RFTN1: variants seen among roughly 807,000 people sequenced by gnomAD.
RFTN1 encodes the protein raftlin, lipid raft linker 1, also known as raftlin.
Under a neutral mutation model 46.5 loss-of-function variants are expected in RFTN1, and 26 were observed. The observed-to-expected ratio is 0.56, with a 90% confidence interval of 0.41 to 0.78. The LOEUF (loss-of-function observed/expected upper bound fraction) is 0.78. Ranked by LOEUF, RFTN1 falls within the 30% of genes least tolerant of loss-of-function variation. The pLI is 0.00. For synonymous variants in RFTN1, 261 were observed against 284.2 expected, an observed-to-expected ratio of 0.92 and a Z score of 0.82; for missense variants, 693 against 718.7, an observed-to-expected ratio of 0.96 and a Z score of 0.41.
intron 2 of RFTN1, among the ~76,000 whole-genome samples, chr3:16,493,462 A>C (rs950169523): frequency 6.6e-6 from 1 of 152,052 alleles, no homozygotes; most frequent in Non-Finnish European, 1.5e-5. Flanking sequence ...TGAACTCCTG[A>C]CCTCAGGTGA....
chr3:16,350,564 AG>A (rs1424779369), intron 7 of RFTN1, among the ~76,000 whole-genome samples: 1 of 152,100 alleles, frequency 6.6e-6, no homozygotes, highest in Non-Finnish European at 1.5e-5. Flanking sequence ...GTAACTGTCA[AG>A]GTGAGTGGCA....
At chr3:16,417,356 G>A (rs2075102564) in intron 3 of RFTN1, among the ~76,000 whole-genome samples, 1 of 151,896 alleles carries the variant, frequency 6.6e-6, no homozygotes, top group East Asian at 1.9e-4. Flanking sequence ...CTTATATCTA[G>A]AACTTGGGCC....
intron 7 of RFTN1, among the ~76,000 whole-genome samples, chr3:16,332,926 T>C (rs565574105): frequency 6.6e-6 from 1 of 152,364 alleles, no homozygotes; most frequent in South Asian, 2.1e-4. Flanking sequence ...TTAGTGACTA[T>C]TGAACCATTG....
rs998306462 is a variant in RFTN1, at chr3:16,418,946, T to C, written c.333-9463A>G. ...AAACAGAAGTGCTATGAGAATTCAA[T>C]TATTTCCAGTGTCAAGGATCAGGGG... On this transcript the variant is annotated intron_variant, in intron 3 of 9. Transcript: ENST00000334133. This position sits in a 1 kb window ranked among gnomAD's most constrained non-coding sequence, Gnocchi z 5.0. Among the ~76,000 whole-genome samples, 5 of 152,174 alleles carry C rather than the reference T, an allele frequency of 3.3e-5. No individual in the cohort carries two copies. The highest frequency in any genetic ancestry group is 1.2e-4 in the African/African-American group (5 of 41,432).
At chr3:16,355,250 A>G (rs1360453740) in intron 7 of RFTN1, among the ~76,000 whole-genome samples, 3 of 152,202 alleles carry the variant, frequency 2.0e-5, no homozygotes, top group Non-Finnish European at 4.4e-5. Context: ...AGTATTTGTT[A>G]TAGCAACAAC....
At position 16,442,198 on chromosome 3, in the gene RFTN1, A is replaced by G. The variant is rs1219048272; in HGVS notation, c.146-8161T>C. ...CAGGAGACCACACCATTAAAACACTATTTTTAAAATTTGAAGTGAAATTTC... is the reference window on the plus strand; with the variant it reads ...CAGGAGACCACACCATTAAAACACTGTTTTTAAAATTTGAAGTGAAATTTC... On this transcript the variant is annotated intron_variant, in intron 2 of 9. Coordinates refer to ENST00000334133, the MANE Select transcript of RFTN1 (RefSeq NM_015150.2). The surrounding 1 kb of genome is among the most constrained non-coding windows in gnomAD (Gnocchi z 4.1). Among the ~76,000 whole-genome samples, 1 of 152,194 alleles carries G rather than the reference A, an allele frequency of 6.6e-6. No homozygotes were observed. Among genetic ancestry groups the G allele is most frequent in the Admixed American group, 6.5e-5 (1 of 15,290 alleles).
rs2075135538 is a variant in RFTN1, at chr3:16,418,936, G to A, written c.333-9453C>T. 6.6e-6 allele frequency among the ~76,000 whole-genome samples: 1 copy of A among 152,152 alleles called. No homozygotes were observed. Among genetic ancestry groups the A allele is most frequent in the Admixed American group, 6.5e-5 (1 of 15,284 alleles). Reference sequence around the variant, plus strand: ...GACTGTGTATAAACAGAAGTGCTATGAGAATTCAATTATTTCCAGTGTCAA... The same window carrying A: ...GACTGTGTATAAACAGAAGTGCTATAAGAATTCAATTATTTCCAGTGTCAA... On this transcript the variant is annotated intron_variant, in intron 3 of 9. Coordinates refer to ENST00000334133, the MANE Select transcript of RFTN1 (RefSeq NM_015150.2). This position sits in a 1 kb window ranked among gnomAD's most constrained non-coding sequence, Gnocchi z 5.0.
rs1270315325 is a variant in RFTN1, at chr3:16,324,612, G to GCCCCC, written c.1251-1156_1251-1155insGGGGG. Among the ~76,000 whole-genome samples, 22 of 71,046 alleles carry GCCCCC rather than the reference G, an allele frequency of 3.1e-4. 1 individual carries two copies. Among genetic ancestry groups the GCCCCC allele is most frequent in the African/African-American group, 1.2e-3 (19 of 16,466 alleles). 46.6% of individuals were successfully genotyped at this position (71,046 alleles called of 152,430 possible). A position where few individuals can be genotyped will look rare whatever the true frequency, so the allele number is the denominator to read the frequency against. On this transcript the variant is annotated intron_variant, in intron 8 of 9. Transcript: ENST00000334133. ...TTGTAATAAATAACAGAATGTCCCT[G>GCCCCC]ACCCCCCCCCTTTTAAGGTTGCATA...
rs547039836 is a variant in RFTN1, at chr3:16,336,967, A to G, written c.1147-10091T>C. 4 of 152,368 alleles carry G rather than the reference A, an allele frequency of 2.6e-5. No individual in the cohort carries two copies. Among genetic ancestry groups the G allele is most frequent in the South Asian group, 4.1e-4 (2 of 4,830 alleles). The allele number at this position is 152,368 out of a possible 1,614,324, so 9.4% of individuals were successfully genotyped here. ...CCAACACAGCTCGGCAGCTCCTCCC[A>G]TAAGAGGGAGAGTCCCTCTGGTCAC... On this transcript the variant is annotated intron_variant, in intron 7 of 9. Coordinates refer to ENST00000334133, the MANE Select transcript of RFTN1 (RefSeq NM_015150.2). The surrounding 1 kb of genome is among the most constrained non-coding windows in gnomAD (Gnocchi z 6.0).
At chr3:16,444,393 C>A (rs943883806) in intron 2 of RFTN1, among the ~76,000 whole-genome samples, 1 of 152,194 alleles carries the variant, frequency 6.6e-6, no homozygotes, top group African/African-American at 2.4e-5. Flanking sequence ...GACTTAATTT[C>A]TTCATATCCC....
rs963262476 is a variant in RFTN1 at position 16,342,773 on chromosome 3, T to C, written c.1146+15159A>G. On this transcript the variant is annotated intron_variant, in intron 7 of 9. Coordinates refer to ENST00000334133, the MANE Select transcript of RFTN1 (RefSeq NM_015150.2). This position sits in a 1 kb window ranked among gnomAD's most constrained non-coding sequence, Gnocchi z 4.0. Reference sequence around the variant, plus strand: ...CTGATTTAAAAGCTCTGTGTCAACATGCATGCCCAGCTTATTCAAGTTGGA... The same window carrying C: ...CTGATTTAAAAGCTCTGTGTCAACACGCATGCCCAGCTTATTCAAGTTGGA... Among the ~76,000 whole-genome samples, 3 of 152,254 alleles carry C rather than the reference T, an allele frequency of 2.0e-5. No homozygotes were observed. Among genetic ancestry groups the C allele is most frequent in the Non-Finnish European group, 4.4e-5 (3 of 68,042 alleles).
rs1322329339 is a variant in RFTN1 at position 16,385,285 on chromosome 3, G to A, written c.442-7183C>T. ...AAAAGGGAGGCTCAAAAATAACACG[G>A]GTTTGAGCTCACATCTGAAGCCGCC... On this transcript the variant is annotated intron_variant, in intron 4 of 9. Transcript: ENST00000334133. This position sits in a 1 kb window ranked among gnomAD's most constrained non-coding sequence, Gnocchi z 5.0. 1.3e-5 allele frequency among the ~76,000 whole-genome samples: 2 copies of A among 152,170 alleles called. No homozygotes were observed. The highest frequency in any genetic ancestry group is 4.8e-5 in the African/African-American group (2 of 41,426).
rs1344641797 is a variant in RFTN1, at chr3:16,507,748, CACACTCACATACACACAAACACACACAT to C, written c.-9+5666_-9+5693del. Among the ~76,000 whole-genome samples the C allele has an allele frequency of 2.6e-5, 4 of 151,234 alleles. No homozygotes were observed. Among genetic ancestry groups the C allele is most frequent in the South Asian group, 4.2e-4 (2 of 4,766 alleles). ...ACACAAACACATACACACATACATG[CACACTCACATACACACAAACACACACAT>C]ACACTCACATACACACAAACACACA... On this transcript the variant is annotated intron_variant, in intron 1 of 9. Transcript: ENST00000334133. This position sits in a 1 kb window ranked among gnomAD's most constrained non-coding sequence, Gnocchi z 7.1.
intron 9 of RFTN1, among the ~76,000 whole-genome samples, chr3:16,318,814 C>T (rs1430310690): frequency 6.6e-6 from 1 of 152,188 alleles, no homozygotes; most frequent in Non-Finnish European, 1.5e-5. Context: ...TGAAATGTCT[C>T]GTACTGTAGC....
chr3:16,366,819 T>A lies in RFTN1; in HGVS notation c.1030+3257A>T, dbSNP rs561921506. ...CAAAGCAACCGCTAGGTGTCCATGG[T>A]CATCACTATGCCCCTCCTCTGTGCC... is the stretch of plus-strand genomic sequence containing the variant. On this transcript the variant is annotated intron_variant, in intron 6 of 9. Transcript: ENST00000334133. Among the ~76,000 whole-genome samples the A allele has an allele frequency of 7.2e-5, 11 of 152,312 alleles. No homozygotes were observed. The South Asian group carries it at 1.7e-3, about 23-fold the overall frequency.
chr3:16,323,594 T>TGG, intron 8 of RFTN1, 137 bp from the exon 9 acceptor site: 1 of 596,212 alleles, frequency 1.7e-6, no homozygotes, highest in Non-Finnish European at 2.9e-6. Flanking sequence ...ACGCCTGCTC[T>TGG]ACTCTTCCGC....
intron 2 of RFTN1, among the ~76,000 whole-genome samples, chr3:16,490,360 G>C (rs2076520907): frequency 6.6e-6 from 1 of 152,194 alleles, no homozygotes; most frequent in African/African-American, 2.4e-5. Flanking sequence ...GGCCTGTGCA[G>C]AAAGAGCTGC....
In RFTN1 at chr3:16,466,805, T is replaced by A. The variant is rs912244285; in HGVS notation, c.145+26920A>T. Among the ~76,000 whole-genome samples the A allele has an allele frequency of 1.3e-5, 2 of 152,118 alleles. No homozygotes were observed. The highest frequency in any genetic ancestry group is 4.8e-5 in the African/African-American group (2 of 41,416). Reference sequence around the variant, plus strand: ...TGAGACACACATACACAGACACACATACGCTTCTCATAGCTGAAAACATGG... The same window carrying A: ...TGAGACACACATACACAGACACACAAACGCTTCTCATAGCTGAAAACATGG... On this transcript the variant is annotated intron_variant, in intron 2 of 9. Transcript: ENST00000334133. The surrounding 1 kb of genome is among the most constrained non-coding windows in gnomAD (Gnocchi z 5.6).
At position 16,466,849 on chromosome 3, in the gene RFTN1, A is replaced by G. The variant is rs908000894; in HGVS notation, c.145+26876T>C. Among the ~76,000 whole-genome samples the G allele has an allele frequency of 1.3e-5, 2 of 152,220 alleles. No homozygotes were observed. The highest frequency in any genetic ancestry group is 1.9e-4 in the East Asian group (1 of 5,196). ...AACATGGAAGGCAGTCCATCTTTCT[A>G]GACAGTGAGTATCTAATACAAGTCA... On this transcript the variant is annotated intron_variant, in intron 2 of 9. Transcript: ENST00000334133. This position sits in a 1 kb window ranked among gnomAD's most constrained non-coding sequence, Gnocchi z 5.6.
Sources: gnomAD v4.1 joint callset for allele counts (sites outside exome capture counted in the v4.1 genomes callset) on GRCh38, gnomAD v4.1.1 for gene constraint, Gnocchi (gnomAD v3.1) non-coding constraint, MANE v1.5 for transcripts, NCBI Gene and HGNC (gene_info 2026-07-23, HGNC 2026-07-21) for gene names.